IL6R: variants seen among roughly 807,000 people sequenced by gnomAD.
The protein encoded by IL6R is interleukin 6 receptor.
Under a neutral mutation model 48.3 loss-of-function variants are expected in IL6R, and 38 were observed. The ratio of observed to expected loss-of-function variants is 0.79; its 90% CI spans 0.61 to 1.03. The LOEUF (loss-of-function observed/expected upper bound fraction) is 1.03, where lower values mean the gene tolerates loss of function less well. Among genes scored for constraint, IL6R ranks in the 50% least tolerant of loss-of-function variants. IL6R has a pLI of 0.00. For missense variants in IL6R, 534 were observed against 618.3 expected (o/e 0.86, Z 1.45); for synonymous variants, 264 against 256.2 (o/e 1.03, Z -0.29).
At chr1:154,457,967 C>T (rs867665088) in intron 9 of IL6R, among the ~76,000 whole-genome samples, 3 of 91,694 alleles carry the variant, frequency 3.3e-5, no homozygotes, top group Non-Finnish European at 2.6e-5. Flanking sequence ...TTTTCTTTTT[C>T]TTTTTTTTTT....
chr1:154,445,728 C>T (rs895697986), intron 6 of IL6R, among the ~76,000 whole-genome samples: 12 of 143,886 alleles, frequency 8.3e-5, no homozygotes, highest in African/African-American at 2.4e-4. Flanking sequence ...CCAGCCCAGG[C>T]GACAGAGCGA....
chr1:154,458,260 G>A (rs1691033574), intron 9 of IL6R, among the ~76,000 whole-genome samples: 1 of 152,048 alleles, frequency 6.6e-6, no homozygotes. Flanking sequence ...GTGAGCCACC[G>A]TGCCCGGCCT....
At chr1:154,433,584 G>C (rs978240087) in intron 3 of IL6R, among the ~76,000 whole-genome samples, 38 of 152,150 alleles carry the variant, frequency 2.5e-4, no homozygotes. Context: ...CGGGAGACCA[G>C]AGCTGGCCAG....
chr1:154,409,955 AG>A (rs1687934949), intron 1 of IL6R, among the ~76,000 whole-genome samples: 1 of 152,166 alleles, frequency 6.6e-6, no homozygotes, highest in Non-Finnish European at 1.5e-5. Context: ...GAAGACCTGA[AG>A]AAAATATACA....
chr1:154,411,638 C>A (rs1688025115), intron 1 of IL6R, among the ~76,000 whole-genome samples: 1 of 152,268 alleles, frequency 6.6e-6, no homozygotes, highest in South Asian at 2.1e-4. Flanking sequence ...GCAGTCCAGG[C>A]CTGTCTCCCC....
intron 1 of IL6R, among the ~76,000 whole-genome samples, chr1:154,425,485 A>G (rs35956511): frequency 1.3e-5 from 2 of 152,200 alleles, no homozygotes; most frequent in Non-Finnish European, 2.9e-5. Flanking sequence ...TCAGAGAAAC[A>G]TATAAATGAG....
intron 6 of IL6R, chr1:154,444,959 G>A (rs958601506): frequency 2.3e-6 from 1 of 426,794 alleles, no homozygotes; most frequent in African/African-American, 2.0e-5. Flanking sequence ...AATGAGGAAG[G>A]GTGAAACCTC....
At chr1:154,437,253 C>G (rs918552613) in intron 6 of IL6R, among the ~76,000 whole-genome samples, 2 of 152,098 alleles carry the variant, frequency 1.3e-5, no homozygotes, top group African/African-American at 4.8e-5. Flanking sequence ...CCTGCCACCA[C>G]GCCCAGCTAA....
At chr1:154,450,104 CTGTGTGTGTGTGTGTGTGTG>C (rs71586016) in intron 8 of IL6R, 124 bp downstream of exon 8, 2 of 480,838 alleles carry the variant, frequency 4.2e-6, no homozygotes, top group Non-Finnish European at 7.9e-6. Context: ...CAGAAATGTT[CTGTGTGTGTGTGTGTGTGTG>C]TGTGTGTGTG....
At position 154,450,110 on chromosome 1, in the gene IL6R, G is replaced by C. The variant is rs952029767; in HGVS notation, c.1066+130G>C. On this transcript the variant is annotated intron_variant, in intron 8 of 9. Coordinates refer to ENST00000368485, the MANE Select transcript of IL6R (RefSeq NM_000565.4). ...GATCAATCGCAGAAATGTTCTGTGT[G>C]TGTGTGTGTGTGTGTGTGTGTGTGT... The C allele has an allele frequency of 4.7e-4, 260 of 554,530 alleles. 2 individuals are homozygous for C. The highest frequency in any genetic ancestry group is 4.5e-3 in the African/African-American group (233 of 51,452). 34.4% of individuals were successfully genotyped at this position (554,530 alleles called of 1,614,324 possible).
chr1:154,434,229 C>G (rs1049927337), intron 3 of IL6R, among the ~76,000 whole-genome samples: 7 of 151,910 alleles, frequency 4.6e-5, no homozygotes, highest in Non-Finnish European at 2.9e-5. Flanking sequence ...ATCTCTTGAA[C>G]CTGGGAGGGA....
intron 6 of IL6R, among the ~76,000 whole-genome samples, chr1:154,445,618 T>C (rs55701610): frequency 0.032 from 4,828 of 151,756 alleles, 232 homozygotes; most frequent in African/African-American, 0.11. Context: ...GGTGTGGTGG[T>C]GGGCGCCTGT....
chr1:154,455,058 T>G (rs1471083792), intron 9 of IL6R, among the ~76,000 whole-genome samples: 1 of 152,168 alleles, frequency 6.6e-6, no homozygotes, highest in Non-Finnish European at 1.5e-5. Flanking sequence ...GGACTGCAGG[T>G]GCACACCACC....
In IL6R at chr1:154,448,188, G is replaced by A. The variant is rs373042439; in HGVS notation, c.996+17G>A. 29 of 1,609,948 alleles carry A rather than the reference G, an allele frequency of 1.8e-5. No individual in the cohort carries two copies. The highest frequency in any genetic ancestry group is 2.2e-5 in the South Asian group (2 of 90,962). ...CCCATGCAGGTGAGCTCCTGTTCTT[G>A]TAAAAGGGTCAGGGCTGCAGCACCT... On this transcript the variant is annotated intron_variant, in intron 7 of 9. Transcript: ENST00000368485.
chr1:154,405,529 G>GCA lies in IL6R; in HGVS notation c.-100_-99insAC. ...CTGCCCCCGGGGCCTGAGCCCGCCT[G>GCA]CCCGCCCACCGCCCCGCCCCGCCCC... On this transcript the variant is annotated 5_prime_UTR_variant, in exon 1 of 10. Transcript: ENST00000368485. The surrounding 1 kb of genome is among the most constrained non-coding windows in gnomAD (Gnocchi z 5.2). The GCA allele has an allele frequency of 2.6e-6, 1 of 388,508 alleles. No homozygotes were observed. The highest frequency in any genetic ancestry group is 4.7e-6 in the Non-Finnish European group (1 of 214,592). The allele number at this position is 388,508 out of a possible 1,614,324, so 24.1% of individuals were successfully genotyped here. A position where few individuals can be genotyped will look rare whatever the true frequency, so the allele number is the denominator to read the frequency against.
At chr1:154,447,421 A>G (rs1219987360) in intron 6 of IL6R, among the ~76,000 whole-genome samples, 1 of 121,206 alleles carries the variant, frequency 8.3e-6, no homozygotes, top group South Asian at 2.6e-4. Context: ...CCTGGGCAAA[A>G]GAGTGAAACT....
intron 6 of IL6R, among the ~76,000 whole-genome samples, chr1:154,446,098 A>G (rs576400586): frequency 3.9e-5 from 6 of 152,130 alleles, no homozygotes; most frequent in African/African-American, 9.6e-5. Flanking sequence ...CTTTCATTCT[A>G]GTGCCTCCAT....
intron 4 of IL6R, 133 bp from the exon 5 acceptor site, chr1:154,434,857 C>T (rs994010515): frequency 3.3e-5 from 40 of 1,197,396 alleles, no homozygotes; most frequent in Admixed American, 2.4e-5. Flanking sequence ...AATGATAAAG[C>T]AGGCCCTTGT....
intron 3 of IL6R, among the ~76,000 whole-genome samples, chr1:154,431,897 G>GT (rs1445319023): frequency 6.6e-6 from 1 of 152,216 alleles, no homozygotes; most frequent in Non-Finnish European, 1.5e-5. Context: ...TCTCAGAACA[G>GT]TGGGCACTTT....
Sources: allele counts gnomAD v4.1 joint callset (sites outside exome capture counted in the v4.1 genomes callset), GRCh38; gene constraint gnomAD v4.1.1; non-coding constraint Gnocchi (gnomAD v3.1); transcripts MANE v1.5; gene names NCBI Gene and HGNC (gene_info 2026-07-23, HGNC 2026-07-21).